CENPF: variants seen among roughly 807,000 people sequenced by gnomAD.
CENPF encodes AH antigen.
A neutral mutation model predicts 307.3 loss-of-function variants in CENPF; 214 were observed. The observed-to-expected ratio is 0.70, with a 90% CI of 0.62 to 0.78. The LOEUF is 0.78. Ranked by LOEUF, CENPF falls within the 30% of genes least tolerant of loss-of-function variation. CENPF has a pLI of 0.00. For missense variants in CENPF, 3,401 were observed against 3,483.9 expected, an observed-to-expected ratio of 0.98 and a Z score of 0.60; for synonymous variants, 1,259 against 1,270.6, an observed-to-expected ratio of 0.99 and a Z score of 0.19.
Position 214,637,873 on chromosome 1 carries a change from A to G in CENPF, c.1454A>G (p.Lys485Arg). The G allele has an allele frequency of 5.0e-6, 8 of 1,601,242 alleles. No individual in the cohort carries two copies. The highest frequency in any genetic ancestry group is 6.8e-6 in the Non-Finnish European group (8 of 1,177,334). The change falls in exon 11 of 20, where the codon AAG becomes AGG. Residue 485 changes from lysine to arginine, a missense_variant. Coordinates refer to ENST00000366955, the MANE Select transcript of CENPF (RefSeq NM_016343.4). ...TTAAAATGTGTGTTTTAGGAAATGAAGAAGGAAAACAACCTCCTTAAGAGT... is the reference window on the plus strand; with the variant it reads ...TTAAAATGTGTGTTTTAGGAAATGAGGAAGGAAAACAACCTCCTTAAGAGT... ...NELRRSMEEM[K>R]KENNLLKSHS... is the part of the protein sequence containing the mutation.
In CENPF at chr1:214,640,260, A is replaced by G; in HGVS notation, c.1922A>G (p.Gln641Arg). 6.2e-7 allele frequency: 1 copy of G among 1,613,546 alleles called. No homozygotes were observed. The highest frequency in any genetic ancestry group is 8.5e-7 in the Non-Finnish European group (1 of 1,179,928). Residue 641 changes from glutamine to arginine, a missense_variant, in exon 12 of 20, where the codon CAG becomes CGG. Gln to Arg is a conservative substitution (Grantham distance 43). Coordinates refer to ENST00000366955, the MANE Select transcript of CENPF (RefSeq NM_016343.4). The part of the protein sequence containing the change: ...TQMESEKENL[Q>R]SKINHLETCL... The stretch of plus-strand genomic sequence containing the variant: ...ATGGAATCAGAAAAGGAAAACTTGC[A>G]GAGTAAAATTAATCACTTGGAAACT...
chr1:214,654,327 C>G (rs1658573173), intron 16 of CENPF: 1 of 152,104 alleles, frequency 6.6e-6, no homozygotes, highest in South Asian at 2.1e-4. Flanking sequence ...AATCCCAGCA[C>G]TTTGGGAGGC....
chr1:214,632,370 A>G, intron 9 of CENPF, 110 bp from the exon 10 acceptor site: 1 of 1,190,788 alleles, frequency 8.4e-7, no homozygotes, highest in Non-Finnish European at 1.2e-6. Flanking sequence ...CAGCCAAAAT[A>G]GATGGCATCC....
At chr1:214,658,231 T>C (rs751820012) in intron 18 of CENPF, among the ~76,000 whole-genome samples, 2 of 152,206 alleles carry the variant, frequency 1.3e-5, no homozygotes, top group African/African-American at 2.4e-5. Context: ...CTGAATGCAG[T>C]TCTGGAGTGT....
At chr1:214,651,392 G>C (rs1658457361) in intron 14 of CENPF, among the ~76,000 whole-genome samples, 1 of 152,216 alleles carries the variant, frequency 6.6e-6, no homozygotes, top group African/African-American at 2.4e-5. Flanking sequence ...TGCAATGGAA[G>C]TACTTTAATA....
At position 214,606,718 on chromosome 1, in the gene CENPF, C is replaced by T. The variant is rs143263561; in HGVS notation, c.-42+3397C>T. Among the ~76,000 whole-genome samples, 380 of 152,126 alleles carry T rather than the reference C, an allele frequency of 2.5e-3. 2 individuals carry two copies. Among genetic ancestry groups the T allele is most frequent in the African/African-American group, 8.7e-3 (361 of 41,516 alleles). ...CTTCCCTTGGGAGTGGACAAGTCCTCGGCCACCTCAGCATCACCAGCTCCC... is the reference window on the plus strand; with the variant it reads ...CTTCCCTTGGGAGTGGACAAGTCCTTGGCCACCTCAGCATCACCAGCTCCC... On this transcript the variant is annotated intron_variant, in intron 1 of 19. Coordinates refer to ENST00000366955, the MANE Select transcript of CENPF (RefSeq NM_016343.4).
Position 214,645,714 on chromosome 1 carries a change from T to G in CENPF, c.6144T>G (p.Ser2048=). 6.2e-7 allele frequency: 1 copy of G among 1,614,190 alleles called. No homozygotes were observed. Among genetic ancestry groups the G allele is most frequent in the Non-Finnish European group, 8.5e-7 (1 of 1,180,030 alleles). The change falls in exon 13 of 20, where the codon TCT becomes TCG. Residue 2048 remains serine (S), a synonymous_variant. Transcript: ENST00000366955. Reference sequence around the variant, plus strand: ...TGGAAAAGGACTCACAGGCACTGTCTTTGACAAAATGTGAGCTGGAAAACC... The same window carrying G: ...TGGAAAAGGACTCACAGGCACTGTCGTTGACAAAATGTGAGCTGGAAAACC... The part of the protein sequence containing the change: ...QSLEKDSQAL[S]LTKCELENQI...
Position 214,608,977 on chromosome 1 carries a change from C to G in CENPF, c.-41-4737C>G. On this transcript the variant is annotated intron_variant, in intron 1 of 19. Coordinates refer to ENST00000366955, the MANE Select transcript of CENPF (RefSeq NM_016343.4). ...GCGCCCCCCCAGCTACGGCCCCAGA[C>G]GGCAGCCCCGTTAGGAGGCCAGGGC... 4 of 864,202 alleles carry G rather than the reference C, an allele frequency of 4.6e-6. No individual in the cohort carries two copies. The South Asian group carries it at 9.7e-5, about 21-fold the overall frequency. 53.5% of individuals were successfully genotyped at this position (864,202 alleles called of 1,614,324 possible). A position where few individuals can be genotyped will look rare whatever the true frequency, so the allele number is the denominator to read the frequency against.
In CENPF at chr1:214,653,623, C is replaced by T. The variant is rs570333579; in HGVS notation, c.8322+634C>T. On this transcript the variant is annotated intron_variant, in intron 16 of 19. Transcript: ENST00000366955. ...ATACCCACAGTGTATAGTAATGAAC[C>T]TGGATAATAAATATCTTCCAGAAAA... The T allele has an allele frequency of 3.7e-3, 567 of 154,242 alleles. 3 individuals carry two copies. The highest frequency in any genetic ancestry group is 4.6e-3 in the Non-Finnish European group (317 of 68,190). 9.6% of individuals were successfully genotyped at this position (154,242 alleles called of 1,614,324 possible).
chr1:214,616,115 C>G (rs890718879), intron 3 of CENPF, among the ~76,000 whole-genome samples: 2 of 152,026 alleles, frequency 1.3e-5, no homozygotes, highest in Non-Finnish European at 2.9e-5. Flanking sequence ...GATTGGCAAT[C>G]TCATATAGTT....
At position 214,659,835 on chromosome 1, in the gene CENPF, G is replaced by A. The variant is rs1658745842; in HGVS notation, c.9141+807G>A. The stretch of plus-strand genomic sequence containing the variant: ...CTTTCTACGATACCAGTGTTTCTCA[G>A]ACTGGGGACTAGGGGGATATTTTTG... On this transcript the variant is annotated intron_variant, in intron 19 of 19. Transcript: ENST00000366955. The surrounding 1 kb of genome is among the most constrained non-coding windows in gnomAD (Gnocchi z 4.4). 6.6e-6 allele frequency among the ~76,000 whole-genome samples: 1 copy of A among 152,168 alleles called. No individual in the cohort carries two copies.
intron 10 of CENPF, among the ~76,000 whole-genome samples, chr1:214,635,389 T>G (rs1332945067): frequency 6.6e-6 from 1 of 152,226 alleles, no homozygotes; most frequent in Non-Finnish European, 1.5e-5. Context: ...TGGAATTGCT[T>G]GCTAAGCTCT....
intron 1 of CENPF, chr1:214,606,031 G>A: frequency 6.3e-7 from 1 of 1,596,118 alleles, no homozygotes; most frequent in Non-Finnish European, 8.5e-7. Flanking sequence ...TGGGCACCGT[G>A]CCGATGCTCT....
chr1:214,615,240 C>T lies in CENPF; in HGVS notation c.359+212C>T, dbSNP rs41304093. ...GGTTTTATCATTGCATAGCTCAGTACGATATAAATTTATCAAATGTTTGCT... is the reference window on the plus strand; with the variant it reads ...GGTTTTATCATTGCATAGCTCAGTATGATATAAATTTATCAAATGTTTGCT... On this transcript the variant is annotated intron_variant, in intron 3 of 19. Transcript: ENST00000366955. The T allele has an allele frequency of 6.5e-3, 2,233 of 343,882 alleles. 17 individuals are homozygous for T. Among genetic ancestry groups the T allele is most frequent in the African/African-American group, 0.016 (740 of 47,128 alleles). The allele number at this position is 343,882 out of a possible 1,614,324, so 21.3% of individuals were successfully genotyped here.
chr1:214,636,668 C>A (rs1657974961), intron 10 of CENPF, among the ~76,000 whole-genome samples: 1 of 152,150 alleles, frequency 6.6e-6, no homozygotes, highest in African/African-American at 2.4e-5. Context: ...GGCAGCCTTC[C>A]AACACAGTAT....
At chr1:214,626,385 G>A (rs1374337165) in intron 7 of CENPF, among the ~76,000 whole-genome samples, 1 of 152,134 alleles carries the variant, frequency 6.6e-6, no homozygotes, top group Non-Finnish European at 1.5e-5. Context: ...AGGGAAAAGT[G>A]TGATTATTCC....
At chr1:214,617,385 G>A (rs2102534698) in intron 3 of CENPF, among the ~76,000 whole-genome samples, 1 of 152,180 alleles carries the variant, frequency 6.6e-6, no homozygotes, top group East Asian at 1.9e-4. Context: ...AATATGTCAC[G>A]GCAAAGAGAC....
chr1:214,628,995 AT>A, intron 7 of CENPF, 50 bp from the exon 8 acceptor site: 1 of 1,376,894 alleles, frequency 7.3e-7, no homozygotes, highest in Admixed American at 2.5e-5. Flanking sequence ...ATATTTGTTC[AT>A]TTATGTGAGT....
In CENPF at chr1:214,647,358, G is replaced by A; in HGVS notation, c.7788G>A (p.Glu2596=). ...GTTCTTACAAGAATCTAGAGAATGA[G>A]CTTGAATTGACAAAAATGGACAAAA... is the stretch of plus-strand genomic sequence containing the variant. ...LQSSYKNLEN[E]LELTKMDKMS... Residue 2596 remains glutamate, a synonymous_variant, in exon 13 of 20, where the codon GAG becomes GAA. Coordinates refer to ENST00000366955, the MANE Select transcript of CENPF (RefSeq NM_016343.4). 1.2e-6 allele frequency: 2 copies of A among 1,610,664 alleles called. No homozygotes were observed. The highest frequency in any genetic ancestry group is 1.3e-5 in the African/African-American group (1 of 74,902).
Sources: gnomAD v4.1 joint callset for allele counts (sites outside exome capture counted in the v4.1 genomes callset) on GRCh38, gnomAD v4.1.1 for gene constraint, Gnocchi (gnomAD v3.1) non-coding constraint, MANE v1.5 for transcripts, NCBI Gene and HGNC (gene_info 2026-07-23, HGNC 2026-07-21) for gene names.